The following DPF3 variants were observed in gnomAD, a reference collection of about 807,000 sequenced individuals.
DPF3 encodes zinc finger protein DPF3.
Under a neutral mutation model 56.8 loss-of-function variants are expected in DPF3, and 18 were observed. That is an observed-to-expected ratio of 0.32 (90% CI 0.22 to 0.47). The LOEUF is 0.47. Among genes scored for constraint, DPF3 ranks in the 20% least tolerant of loss-of-function variants. DPF3 has a pLI of 1.00. For synonymous variants in DPF3, 188 were observed against 180.2 expected, an observed-to-expected ratio of 1.04 and a Z score of -0.35; for missense variants, 403 against 488.8, an observed-to-expected ratio of 0.82 and a Z score of 1.65.
intron 1 of DPF3, among the ~76,000 whole-genome samples, chr14:72,786,483 C>T (rs558141060): frequency 6.6e-6 from 1 of 152,294 alleles, no homozygotes; most frequent in African/African-American, 2.4e-5. Context: ...CATGCCCATC[C>T]GTTTACATAT....
intron 8 of DPF3, among the ~76,000 whole-genome samples, chr14:72,630,751 A>G (rs1885123563): frequency 6.6e-6 from 1 of 152,246 alleles, no homozygotes; most frequent in South Asian, 2.1e-4. Flanking sequence ...CTCTGTCACA[A>G]AAAACATTGA....
At chr14:72,878,764 G>T (rs542756134) in intron 1 of DPF3, among the ~76,000 whole-genome samples, 1 of 152,200 alleles carries the variant, frequency 6.6e-6, no homozygotes, top group African/African-American at 2.4e-5. Flanking sequence ...CAAGACCAAA[G>T]GGAGAAAGCC....
At chr14:72,724,685 CA>C (rs1336820493) in intron 4 of DPF3, among the ~76,000 whole-genome samples, 11 of 147,378 alleles carry the variant, frequency 7.5e-5, no homozygotes, top group Non-Finnish European at 1.6e-4. Flanking sequence ...GGCTCCATGT[CA>C]GGGGGCCCAG....
At chr14:72,711,631 G>A (rs193047659) in intron 6 of DPF3, among the ~76,000 whole-genome samples, 1 of 152,072 alleles carries the variant, frequency 6.6e-6, no homozygotes, top group Non-Finnish European at 1.5e-5. Flanking sequence ...CTATGGGGTG[G>A]GGCCCTAAGT....
chr14:72,646,871 C>T (rs1481775310), intron 8 of DPF3, among the ~76,000 whole-genome samples: 1 of 152,224 alleles, frequency 6.6e-6, no homozygotes, highest in East Asian at 1.9e-4. Context: ...GATTCTCAGG[C>T]CCCAAAGCTT....
intron 1 of DPF3, among the ~76,000 whole-genome samples, chr14:72,872,982 T>C (rs1885962578): frequency 6.6e-6 from 1 of 152,176 alleles, no homozygotes; most frequent in Non-Finnish European, 1.5e-5. Flanking sequence ...GAAGAAAACC[T>C]AGGCAATACC....
At chr14:72,622,254 T>TA (rs1175830004) in intron 9 of DPF3, among the ~76,000 whole-genome samples, 1 of 152,086 alleles carries the variant, frequency 6.6e-6, no homozygotes, top group Non-Finnish European at 1.5e-5. Context: ...GCCAAGAGTT[T>TA]ACTGAGAAGA....
In DPF3 at chr14:72,674,252, A is replaced by G; in HGVS notation, c.859T>C (p.Cys287Arg). 2 of 1,612,728 alleles carry G rather than the reference A, an allele frequency of 1.2e-6. No individual in the cohort carries two copies. Among genetic ancestry groups the G allele is most frequent in the South Asian group, 1.1e-5 (1 of 90,656 alleles). Residue 287 changes from cysteine (C) to arginine (R), a missense_variant, in exon 8 of 11, where the codon TGT becomes CGT. Physicochemically the swap from Cys to Arg is radical, Grantham distance 180. Around this residue, in one of 2 missense-constraint regions of DPF3, gnomAD observed 63 missense variants for 114.4 expected, o/e 0.55. Coordinates refer to ENST00000556509, the MANE Select transcript of DPF3 (RefSeq NM_001280542.3). ...GGGCCACACTCACCAGAGCGTCCAC[A>G]GTCTGCGCAGGACACCAGCTCTTCA... ...RPEELVSCAD[C>R]GRSGHPTCLQ... is the part of the protein sequence containing the mutation.
intron 8 of DPF3, among the ~76,000 whole-genome samples, chr14:72,651,908 C>G (rs1567189943): frequency 6.6e-6 from 1 of 152,184 alleles, no homozygotes; most frequent in Non-Finnish European, 1.5e-5. Flanking sequence ...CTCATTTGCA[C>G]ACTGGCATAA....
intron 1 of DPF3, among the ~76,000 whole-genome samples, chr14:72,803,229 C>T (rs1892957494): frequency 6.6e-6 from 1 of 152,196 alleles, no homozygotes; most frequent in African/African-American, 2.4e-5. Context: ...TGAAACCTGC[C>T]ACTGCCTCTC....
chr14:72,795,287 AAAAAAAAAAT>A (rs1417690617), intron 1 of DPF3, among the ~76,000 whole-genome samples: 3 of 124,974 alleles, frequency 2.4e-5, no homozygotes, highest in African/African-American at 8.9e-5. Flanking sequence ...CAAAAAAAAA[AAAAAAAAAAT>A]ATATATATAT....
intron 6 of DPF3, among the ~76,000 whole-genome samples, chr14:72,703,114 C>A (rs187694519): frequency 3.3e-5 from 5 of 152,312 alleles, no homozygotes; most frequent in African/African-American, 1.2e-4. Flanking sequence ...ATCTCCTCAA[C>A]TGTGATAGGA....
intron 1 of DPF3, among the ~76,000 whole-genome samples, chr14:72,892,998 AGGAAGGAAGGAAGGAAGGAAG>A (rs1886824970): frequency 7.5e-6 from 1 of 133,530 alleles, no homozygotes; most frequent in African/African-American, 3.0e-5. Context: ...GAAGGAAGGA[AGGAAGGAAGGAAGGAAGGAAG>A]GAAGGATGAA....
rs190783559 is a variant in DPF3 at position 72,829,448 on chromosome 14, G to A, written c.33-57555C>T. 7.9e-5 allele frequency among the ~76,000 whole-genome samples: 12 copies of A among 152,142 alleles called. No individual in the cohort carries two copies. The East Asian group carries it at 2.3e-3, about 29-fold the overall frequency. ...TGCCCAGGCTGGAGTGCAGTGGCACGGTCTCGGCTCACTGCAACCTCTGCC... is the reference window on the plus strand; with the variant it reads ...TGCCCAGGCTGGAGTGCAGTGGCACAGTCTCGGCTCACTGCAACCTCTGCC... On this transcript the variant is annotated intron_variant, in intron 1 of 10. Coordinates refer to ENST00000556509, the MANE Select transcript of DPF3 (RefSeq NM_001280542.3).
intron 1 of DPF3, among the ~76,000 whole-genome samples, chr14:72,820,442 T>C (rs540830360): frequency 5.3e-5 from 8 of 152,308 alleles, no homozygotes; most frequent in African/African-American, 1.9e-4. Flanking sequence ...GTTTTTGTTT[T>C]TTGCTTTGAT....
intron 1 of DPF3, among the ~76,000 whole-genome samples, chr14:72,814,374 T>C (rs1392167037): frequency 6.6e-6 from 1 of 152,186 alleles, no homozygotes; most frequent in African/African-American, 2.4e-5. Flanking sequence ...CAGCAGGGAT[T>C]AGATCTGACT....
chr14:72,687,146 G>A (rs1034833301), intron 7 of DPF3, among the ~76,000 whole-genome samples: 9 of 152,150 alleles, frequency 5.9e-5, no homozygotes, highest in Admixed American at 2.6e-4. Context: ...CTCCAAAGGC[G>A]TGCTAGAGCT....
intron 2 of DPF3, among the ~76,000 whole-genome samples, chr14:72,758,241 TCAA>T (rs1206153403): frequency 6.6e-6 from 1 of 151,660 alleles, no homozygotes; most frequent in African/African-American, 2.4e-5. Flanking sequence ...AAGAAAAAAA[TCAA>T]CAACAGTTTT....
intron 7 of DPF3, among the ~76,000 whole-genome samples, chr14:72,675,097 C>A (rs1886851946): frequency 6.6e-6 from 1 of 152,214 alleles, no homozygotes; most frequent in South Asian, 2.1e-4. Context: ...CTGAGCATGT[C>A]TTTAGGCTTA....
Sources: allele counts gnomAD v4.1 joint callset (sites outside exome capture counted in the v4.1 genomes callset), GRCh38; gene constraint gnomAD v4.1.1; regional missense constraint gnomAD v4.1.1; transcripts MANE v1.5; gene names NCBI Gene and HGNC (gene_info 2026-07-23, HGNC 2026-07-21).